The following CACNA1S variants were observed in gnomAD, a reference collection of about 807,000 sequenced individuals.
CACNA1S encodes the protein voltage-dependent L-type calcium channel subunit alpha-1S.
CACNA1S carries 126 observed loss-of-function variants against 207.4 expected under a neutral mutation model. That is an observed-to-expected ratio of 0.61 (90% CI 0.53 to 0.70). The LOEUF (loss-of-function observed/expected upper bound fraction) is 0.70, where lower values mean the gene tolerates loss of function less well. Ranked by LOEUF, CACNA1S falls within the 30% of genes least tolerant of loss-of-function variation. The pLI is 0.00. For synonymous variants in CACNA1S, 960 were observed against 932.7 expected, an observed-to-expected ratio of 1.03 and a Z score of -0.53; for missense variants, 2,349 against 2,422.8, an observed-to-expected ratio of 0.97 and a Z score of 0.64.
intron 26 of CACNA1S, 28 bp downstream of exon 26, chr1:201,060,630 A>G (rs1361794690): frequency 1.9e-6 from 3 of 1,612,736 alleles, no homozygotes; most frequent in Non-Finnish European, 2.5e-6. Context: ...CAGTCTGATC[A>G]GACATTTTTC....
At chr1:201,112,140 T>C (rs1427480650) in intron 1 of CACNA1S, 48 bp downstream of exon 1, 2 of 1,577,340 alleles carry the variant, frequency 1.3e-6, no homozygotes, top group Non-Finnish European at 1.7e-6. Context: ...CCCGAATCCC[T>C]CCCTCATGAC....
intron 26 of CACNA1S, among the ~76,000 whole-genome samples, chr1:201,059,751 C>G (rs1660975376): frequency 6.6e-6 from 1 of 152,212 alleles, no homozygotes; most frequent in Non-Finnish European, 1.5e-5. Context: ...TAGTGGGAAA[C>G]TGAGAGCTCA....
At chr1:201,070,247 C>A in intron 17 of CACNA1S, 25 bp downstream of exon 17, 5 of 1,613,694 alleles carry the variant, frequency 3.1e-6, no homozygotes, top group Non-Finnish European at 4.2e-6. Flanking sequence ...ATCAATCACC[C>A]CCACAGCAGC....
chr1:201,051,189 C>A, intron 32 of CACNA1S, 46 bp from the exon 33 acceptor site: 3 of 1,609,624 alleles, frequency 1.9e-6, no homozygotes, highest in Non-Finnish European at 2.6e-6. Context: ...TCCTGCCTGG[C>A]CCCTCAGAAG....
chr1:201,111,980 C>A (rs1663128728), intron 1 of CACNA1S, among the ~76,000 whole-genome samples: 1 of 148,580 alleles, frequency 6.7e-6, no homozygotes, highest in Non-Finnish European at 1.5e-5. Flanking sequence ...CTCCCCCACC[C>A]TCCTCGTCTT....
At position 201,048,649 on chromosome 1, in the gene CACNA1S, G is replaced by A. The variant is rs757017761; in HGVS notation, c.4374C>T (p.Asp1458=). 29 of 1,613,604 alleles carry A rather than the reference G, an allele frequency of 1.8e-5. No homozygotes were observed. The highest frequency in any genetic ancestry group is 1.6e-4 in the Middle Eastern group (1 of 6,082). Residue 1458 remains aspartate, a synonymous_variant, in exon 36 of 44, where the codon GAC becomes GAT. Transcript: ENST00000362061. The part of the protein sequence containing the change: ...LVGMNMPLNS[D]GTVTFNATLF... ...GTGTGGCATTGAAGGTGACTGTGCC[G>A]TCGCTGTTCAGGGGCATGTTCATGC...
intron 28 of CACNA1S, among the ~76,000 whole-genome samples, chr1:201,055,016 G>A (rs769699540): frequency 1.3e-5 from 2 of 152,156 alleles, no homozygotes; most frequent in African/African-American, 4.8e-5. Context: ...TCTCCCAGGG[G>A]CACAGCTCCT....
chr1:201,058,224 TGA>T (rs1660916979), intron 28 of CACNA1S, among the ~76,000 whole-genome samples, 182 bp downstream of exon 28: 1 of 152,236 alleles, frequency 6.6e-6, no homozygotes, highest in African/African-American at 2.4e-5. Context: ...CCCTGGTATC[TGA>T]GTTACCTCTC....
chr1:201,089,471 C>T lies in CACNA1S; in HGVS notation c.695-8G>A, dbSNP rs779849127. On this transcript the variant is annotated splice_region_variant and splice_polypyrimidine_tract_variant and intron_variant, in intron 5 of 43. Coordinates refer to ENST00000362061, the MANE Select transcript of CACNA1S (RefSeq NM_000069.3). ...CCACCGTGGCCACGATATCTGGAGG[C>T]AGAAGGCAAAGGGAACATCAGACAA... is the stretch of plus-strand genomic sequence containing the variant. 1.5e-5 allele frequency: 25 copies of T among 1,613,364 alleles called. No homozygotes were observed. The South Asian group carries it at 2.2e-4, about 14-fold the overall frequency.
intron 8 of CACNA1S, among the ~76,000 whole-genome samples, 200 bp from the exon 9 acceptor site, chr1:201,085,231 G>A (rs899783476): frequency 3.3e-5 from 5 of 152,312 alleles, no homozygotes; most frequent in Admixed American, 6.5e-5. Context: ...CAGGGGAGGC[G>A]CTATGAGGAT....
At chr1:201,094,224 T>G (rs1662336900) in intron 2 of CACNA1S, among the ~76,000 whole-genome samples, 1 of 152,002 alleles carries the variant, frequency 6.6e-6, no homozygotes, top group Non-Finnish European at 1.5e-5. Flanking sequence ...CACAGGTCTT[T>G]ACTCCAAATT....
chr1:201,054,910 C>T (rs1386632354), intron 28 of CACNA1S, among the ~76,000 whole-genome samples: 1 of 152,176 alleles, frequency 6.6e-6, no homozygotes, highest in Non-Finnish European at 1.5e-5. Flanking sequence ...TGGGGACGTC[C>T]CTAATGAAGG....
intron 2 of CACNA1S, among the ~76,000 whole-genome samples, chr1:201,102,263 C>G (rs1008378930): frequency 1.3e-5 from 2 of 152,014 alleles, no homozygotes; most frequent in African/African-American, 4.8e-5. Context: ...CCCAGTGTCA[C>G]AGCAGAGGCC....
chr1:201,052,575 G>A lies in CACNA1S; in HGVS notation c.3935C>T (p.Ala1312Val). ...RNNNFQTFPQ[A>V]VLLLFRCATG... The stretch of plus-strand genomic sequence containing the variant: ...CGCGTGCCTGAAGAGCAGTAGCACA[G>A]CTTGTGGGAAGGTCTGGAAGTTGTT... The change falls in exon 32 of 44, where the codon GCT (alanine) becomes GTT (valine). Residue 1312 changes from alanine to valine, a missense_variant. Ala to Val is a moderately conservative substitution (Grantham distance 64). Coordinates refer to ENST00000362061, the MANE Select transcript of CACNA1S (RefSeq NM_000069.3). 2 of 1,613,802 alleles carry A rather than the reference G, an allele frequency of 1.2e-6. No individual in the cohort carries two copies. The highest frequency in any genetic ancestry group is 1.7e-6 in the Non-Finnish European group (2 of 1,179,758).
intron 7 of CACNA1S, 71 bp downstream of exon 7, chr1:201,087,755 C>A: frequency 9.4e-7 from 1 of 1,062,798 alleles, no homozygotes; most frequent in East Asian, 2.5e-5. Flanking sequence ...CCCTCCGTTC[C>A]TTTTCCTTCC....
chr1:201,089,138 G>T (rs1007686531), intron 6 of CACNA1S, 120 bp downstream of exon 6: 1 of 877,576 alleles, frequency 1.1e-6, no homozygotes, highest in Non-Finnish European at 1.9e-6. Flanking sequence ...GCAAGAGGGA[G>T]CTGTGGTCAC....
chr1:201,047,055 A>G (rs1306414120), intron 38 of CACNA1S, 60 bp downstream of exon 38: 2 of 1,608,860 alleles, frequency 1.2e-6, no homozygotes, highest in African/African-American at 1.3e-5. Context: ...AAGGATAACT[A>G]GAGTCTGGAG....
At chr1:201,047,397 TG>T in intron 37 of CACNA1S, 127 bp downstream of exon 37, 1 of 1,247,204 alleles carries the variant, frequency 8.0e-7, no homozygotes, top group Non-Finnish European at 1.2e-6. Flanking sequence ...TGGATGCCCG[TG>T]GGATCTACCT....
chr1:201,104,721 T>A (rs1456108385), intron 2 of CACNA1S, among the ~76,000 whole-genome samples: 1 of 152,226 alleles, frequency 6.6e-6, no homozygotes, highest in Admixed American at 6.5e-5. Flanking sequence ...GAGGGTGAAA[T>A]GAGATAATGT....
Sources: allele counts gnomAD v4.1 joint callset (sites outside exome capture counted in the v4.1 genomes callset), GRCh38; gene constraint gnomAD v4.1.1; transcripts MANE v1.5; gene names NCBI Gene and HGNC (gene_info 2026-07-23, HGNC 2026-07-21).